Variants in PON3 observed in about 807,000 individuals in gnomAD.
PON3 encodes paraoxonase 3.
PON3 carries 37 observed loss-of-function variants against 36.3 expected under a neutral mutation model. The ratio of observed to expected loss-of-function variants is 1.02; its 90% CI spans 0.78 to 1.34. PON3 has a LOEUF of 1.34. PON3 is among the 40% of genes most tolerant of loss of function. PON3 has a pLI of 0.00. For synonymous variants in PON3, 155 were observed against 154.8 expected (o/e 1.00, Z -0.01); for missense variants, 415 against 426.5 (o/e 0.97, Z 0.24).
intron 8 of PON3, among the ~76,000 whole-genome samples, chr7:95,360,614 TA>T (rs1808545762): frequency 1.3e-5 from 2 of 152,308 alleles, no homozygotes; most frequent in Admixed American, 1.3e-4. Context: ...AAATAATGGA[TA>T]CTACTTTGGA....
chr7:95,390,146 A>C lies in PON3; in HGVS notation c.201+8T>G. 6.3e-7 allele frequency: 1 copy of C among 1,599,164 alleles called. No homozygotes were observed. The highest frequency in any genetic ancestry group is 8.6e-7 in the Non-Finnish European group (1 of 1,166,434). The stretch of plus-strand genomic sequence containing the variant: ...TGTGAGCATGAGAGCAGCATGGAAA[A>C]TACTCACACTGGAGATAAAAGCCAG... On this transcript the variant is annotated splice_region_variant and intron_variant, in intron 3 of 8. Coordinates refer to ENST00000265627, the MANE Select transcript of PON3 (RefSeq NM_000940.3).
intron 2 of PON3, among the ~76,000 whole-genome samples, chr7:95,392,419 C>A (rs1363020362): frequency 2.0e-5 from 3 of 152,168 alleles, no homozygotes; most frequent in South Asian, 2.1e-4. Context: ...TCAGACTAGA[C>A]CCTACCAATC....
chr7:95,360,033 C>T lies in PON3; in HGVS notation c.1005G>A (p.Val335=), dbSNP rs147464718. ...SVLQGTSVAS[V]YHGKILIGTV... is the part of the protein sequence containing the mutation. ...TGCCTATGAGAATTTTCCCATGGTA[C>T]ACAGAAGCCACAGAGGTGCCCTGAA... Residue 335 remains valine (V), a synonymous_variant, in exon 9 of 9, where the codon GTG becomes GTA. Transcript: ENST00000265627. 6.2e-7 allele frequency: 1 copy of T among 1,612,210 alleles called. No individual in the cohort carries two copies. Among genetic ancestry groups the T allele is most frequent in the Non-Finnish European group, 8.5e-7 (1 of 1,179,526 alleles).
At chr7:95,395,538 T>C (rs1809410717) in intron 1 of PON3, among the ~76,000 whole-genome samples, 1 of 152,220 alleles carries the variant, frequency 6.6e-6, no homozygotes, top group Non-Finnish European at 1.5e-5. Context: ...CAACAGATTC[T>C]AGACGTGATC....
intron 5 of PON3, chr7:95,364,277 C>A: frequency 1.7e-6 from 1 of 577,786 alleles, no homozygotes; most frequent in Non-Finnish European, 3.1e-6. Context: ...TTACTCTTCT[C>A]TTTCACAGAA....
intron 6 of PON3, among the ~76,000 whole-genome samples, chr7:95,363,156 A>G (rs9641162): frequency 0.18 from 28,033 of 151,908 alleles, 3,571 homozygotes; most frequent in East Asian, 0.59. Flanking sequence ...TACAAGGCCA[A>G]AAGTGTATAT....
chr7:95,382,758 G>A lies in PON3; in HGVS notation c.201+7396C>T, dbSNP rs558216680. 5.3e-5 allele frequency among the ~76,000 whole-genome samples: 8 copies of A among 152,250 alleles called. No individual in the cohort carries two copies. In the South Asian group the frequency reaches 1.0e-3, roughly 20 times the overall value. The stretch of plus-strand genomic sequence containing the variant: ...TCCAGGATCAGATGGATTCACAGCC[G>A]AATTCTACCAGAGGTACAAGGAGGA... On this transcript the variant is annotated intron_variant, in intron 3 of 8. Transcript: ENST00000265627.
intron 3 of PON3, among the ~76,000 whole-genome samples, chr7:95,388,587 G>A (rs534809014): frequency 6.0e-4 from 92 of 152,240 alleles, no homozygotes; most frequent in African/African-American, 2.0e-3. Flanking sequence ...TCCCATTACT[G>A]GGTATATACC....
chr7:95,388,634 G>A (rs1187677458), intron 3 of PON3, among the ~76,000 whole-genome samples: 2 of 152,186 alleles, frequency 1.3e-5, no homozygotes, highest in African/African-American at 2.4e-5. Context: ...AAAGACACAT[G>A]CACATGTATG....
chr7:95,383,845 A>G (rs1288834958), intron 3 of PON3, among the ~76,000 whole-genome samples: 1 of 152,256 alleles, frequency 6.6e-6, no homozygotes, highest in African/African-American at 2.4e-5. Context: ...CAGAATTGGA[A>G]AAAACTACTT....
At position 95,367,488 on chromosome 7, in the gene PON3, T is replaced by C. The variant is rs1313988264; in HGVS notation, c.368A>G (p.Asp123Gly). The change falls in exon 5 of 9, where the codon GAC (aspartate) becomes GGC (glycine). Residue 123 changes from aspartate (D) to glycine (G), a missense_variant and splice_region_variant. Coordinates refer to ENST00000265627, the MANE Select transcript of PON3 (RefSeq NM_000940.3). ...CACAACATAAAGATACACAGTATTG[T>C]CTACATGGAAAAAAGGGATAATTTC... ...PHGISIFIDK[D>G]NTVYLYVVNH... The C allele has an allele frequency of 6.2e-7, 1 of 1,612,806 alleles. No individual in the cohort carries two copies.
chr7:95,372,172 C>G lies in PON3; in HGVS notation c.367+1G>C. 1 of 1,612,966 alleles carries G rather than the reference C, an allele frequency of 6.2e-7. No individual in the cohort carries two copies. Among genetic ancestry groups the G allele is most frequent in the South Asian group, 1.1e-5 (1 of 91,048 alleles). On this transcript the variant is annotated splice_donor_variant, in intron 4 of 8. Transcript: ENST00000265627. LOFTEE classifies it high-confidence loss of function. The stretch of plus-strand genomic sequence containing the variant: ...CTTATCCCTAAACATACAGGTTTTA[C>G]CTTTGTCGATGAAAATACTGATCCC...
At chr7:95,392,037 C>T (rs746395164) in intron 2 of PON3, among the ~76,000 whole-genome samples, 4 of 152,186 alleles carry the variant, frequency 2.6e-5, no homozygotes, top group Admixed American at 2.0e-4. Flanking sequence ...ATGTCAATTT[C>T]CTAATCTGCA....
intron 3 of PON3, 79 bp downstream of exon 3, chr7:95,390,075 G>A (rs1809285402): frequency 7.1e-7 from 1 of 1,400,498 alleles, no homozygotes; most frequent in Non-Finnish European, 1.0e-6. Flanking sequence ...GATCCATCTG[G>A]CAGCTCCAGA....
chr7:95,394,522 G>C (rs1408195211), intron 2 of PON3, 122 bp downstream of exon 2: 1 of 812,084 alleles, frequency 1.2e-6, no homozygotes, highest in African/African-American at 1.7e-5. Flanking sequence ...AGTGGACGGG[G>C]CAGATGTCCC....
chr7:95,391,653 T>G (rs531806808), intron 2 of PON3, among the ~76,000 whole-genome samples: 1 of 152,362 alleles, frequency 6.6e-6, no homozygotes, highest in Non-Finnish European at 1.5e-5. Flanking sequence ...TCTCCAGCTC[T>G]GTTACAGCCT....
chr7:95,372,304 G>A lies in PON3; in HGVS notation c.236C>T (p.Pro79Leu). ...LKYPGMPNFA[P>L]DEPGKIFLMD... ...CAAGAAGATTTTTCCTGGTTCATCTGGCGCAAAGTTTGGCATGCCTGGATA... is the reference window on the plus strand; with the variant it reads ...CAAGAAGATTTTTCCTGGTTCATCTAGCGCAAAGTTTGGCATGCCTGGATA... Residue 79 changes from proline to leucine, a missense_variant, in exon 4 of 9, where the codon CCA becomes CTA. By Grantham distance (98) the Pro-to-Leu change is moderately conservative. Coordinates refer to ENST00000265627, the MANE Select transcript of PON3 (RefSeq NM_000940.3). The A allele has an allele frequency of 1.2e-6, 2 of 1,613,890 alleles. No homozygotes were observed. Among genetic ancestry groups the A allele is most frequent in the South Asian group, 1.1e-5 (1 of 91,074 alleles).
intron 3 of PON3, among the ~76,000 whole-genome samples, chr7:95,373,347 T>C (rs1209447048): frequency 6.6e-6 from 1 of 152,214 alleles, no homozygotes; most frequent in African/African-American, 2.4e-5. Flanking sequence ...CAATCTTTTC[T>C]GAACAACCCC....
At position 95,396,275 on chromosome 7, in the gene PON3, A is replaced by G; in HGVS notation, c.74+2T>C. ...AAGACGCCCTGTCAAGATGCCACTC[A>G]CCTAAACGCCAGGAACATCTCCCCG... On this transcript the variant is annotated splice_donor_variant, in intron 1 of 8. Transcript: ENST00000265627. LOFTEE classifies it high-confidence loss of function. 1 of 1,613,906 alleles carries G rather than the reference A, an allele frequency of 6.2e-7. No individual in the cohort carries two copies. The highest frequency in any genetic ancestry group is 8.5e-7 in the Non-Finnish European group (1 of 1,179,922).
Sources: allele counts gnomAD v4.1 joint callset (sites outside exome capture counted in the v4.1 genomes callset), GRCh38; gene constraint gnomAD v4.1.1; transcripts MANE v1.5; gene names NCBI Gene and HGNC (gene_info 2026-07-23, HGNC 2026-07-21).